Variants in GYPC observed in about 807,000 individuals in gnomAD.
GYPC encodes the protein glycophorin C (Gerbich blood group), also known as glycophorin-C.
Under a neutral mutation model 12.6 loss-of-function variants are expected in GYPC, and 14 were observed. The ratio of observed to expected loss-of-function variants is 1.11; its 90% CI spans 0.74 to 1.74. The LOEUF (loss-of-function observed/expected upper bound fraction) is 1.74. Ranked by LOEUF, GYPC falls within the 40% of genes most tolerant of loss-of-function variation. The pLI, the probability that GYPC is intolerant of heterozygous loss-of-function variation, is 0.00. For synonymous variants in GYPC, 78 were observed against 62.1 expected (o/e 1.26, Z -1.20); for missense variants, 225 against 172.1 (o/e 1.31, Z -1.72).
chr2:126,669,763 G>A (rs143537150), intron 1 of GYPC, among the ~76,000 whole-genome samples: 67 of 152,254 alleles, frequency 4.4e-4, no homozygotes, highest in Admixed American at 2.6e-3. Context: ...TCGAAGTTCC[G>A]ATGAGCTAGT....
At chr2:126,690,989 C>T (rs1683446613) in intron 2 of GYPC, among the ~76,000 whole-genome samples, 1 of 152,042 alleles carries the variant, frequency 6.6e-6, no homozygotes. Context: ...ATCAAAGACA[C>T]CTGTTGGACT....
At chr2:126,672,711 C>G (rs1682884872) in intron 1 of GYPC, among the ~76,000 whole-genome samples, 2 of 152,114 alleles carry the variant, frequency 1.3e-5, no homozygotes, top group Admixed American at 1.3e-4. Context: ...GCTGGCCCAG[C>G]AGTGGACAGA....
intron 1 of GYPC, among the ~76,000 whole-genome samples, chr2:126,688,101 G>A (rs147934859): frequency 2.7e-4 from 41 of 152,304 alleles, no homozygotes; most frequent in African/African-American, 9.4e-4. Context: ...ATGTTGCAAG[G>A]TCTGAGTTAA....
chr2:126,692,257 C>T (rs766636839), intron 2 of GYPC, among the ~76,000 whole-genome samples: 9 of 152,048 alleles, frequency 5.9e-5, no homozygotes, highest in Non-Finnish European at 1.3e-4. Context: ...TGCCTCAGTG[C>T]CTTGTATTAT....
chr2:126,693,222 A>G (rs1249216810), intron 2 of GYPC, among the ~76,000 whole-genome samples: 1 of 152,240 alleles, frequency 6.6e-6, no homozygotes, highest in Non-Finnish European at 1.5e-5. Context: ...TGGATTAGTC[A>G]CTGGAGAGCA....
At chr2:126,688,343 T>A (rs992466528) in intron 1 of GYPC, among the ~76,000 whole-genome samples, 1 of 152,170 alleles carries the variant, frequency 6.6e-6, no homozygotes, top group African/African-American at 2.4e-5. Context: ...AACTTTGAGG[T>A]GCATAGTGGT....
chr2:126,683,516 G>A (rs1264547228), intron 1 of GYPC, among the ~76,000 whole-genome samples: 1 of 151,916 alleles, frequency 6.6e-6, no homozygotes, highest in Non-Finnish European at 1.5e-5. Flanking sequence ...GGAGACGATG[G>A]TTCCACTTTT....
chr2:126,656,388 C>A (rs1176266514), intron 1 of GYPC, 76 bp downstream of exon 1: 2 of 1,271,926 alleles, frequency 1.6e-6, no homozygotes, highest in Non-Finnish European at 2.2e-6. Context: ...GGCCGAGCCA[C>A]GGCCACGGAC....
chr2:126,690,205 G>C, intron 1 of GYPC, 50 bp from the exon 2 acceptor site: 1 of 1,374,176 alleles, frequency 7.3e-7, no homozygotes, highest in Non-Finnish European at 1.0e-6. Context: ...GTGCTGCTAG[G>C]CATGGAGAGT....
chr2:126,677,502 TGA>T (rs1209761547), intron 1 of GYPC, among the ~76,000 whole-genome samples: 8 of 132,838 alleles, frequency 6.0e-5, no homozygotes, highest in South Asian at 4.4e-4. Context: ...AGTGTGTGTA[TGA>T]GAGTGTGTGT....
chr2:126,692,920 G>C (rs553946575), intron 2 of GYPC, among the ~76,000 whole-genome samples: 67 of 152,290 alleles, frequency 4.4e-4, no homozygotes, highest in Non-Finnish European at 8.7e-4. Context: ...GGCACATCAC[G>C]TCTCTGAACC....
chr2:126,683,991 G>A (rs1683219187), intron 1 of GYPC, among the ~76,000 whole-genome samples: 2 of 152,158 alleles, frequency 1.3e-5, no homozygotes, highest in African/African-American at 4.8e-5. Context: ...CAGCCTGCGT[G>A]GGTCCAATTC....
chr2:126,673,260 G>A lies in GYPC; in HGVS notation c.49+16948G>A, dbSNP rs182125600. The stretch of plus-strand genomic sequence containing the variant: ...GAAGAGACTGACTCCTGATTCCTGC[G>A]CTTCTCATCTTCACCTAACATCTTG... On this transcript the variant is annotated intron_variant, in intron 1 of 3. Coordinates refer to ENST00000259254, the MANE Select transcript of GYPC (RefSeq NM_002101.5). 2.7e-3 allele frequency among the ~76,000 whole-genome samples: 411 copies of A among 152,192 alleles called. No individual in the cohort carries two copies. The Middle Eastern group carries it at 0.027, about 10-fold the overall frequency.
chr2:126,693,985 TG>T (rs757112810), intron 3 of GYPC, 38 bp downstream of exon 3: 9 of 1,364,394 alleles, frequency 6.6e-6, no homozygotes, highest in South Asian at 2.3e-5. Flanking sequence ...GCAGCCAGGG[TG>T]GGGGGCCTTG....
intron 1 of GYPC, chr2:126,675,599 C>G: frequency 4.7e-6 from 3 of 637,372 alleles, no homozygotes; most frequent in Non-Finnish European, 5.9e-6. Flanking sequence ...AATGGGCTCT[C>G]CTTTCCATCC....
At position 126,696,453 on chromosome 2, in the gene GYPC, G is replaced by A; in HGVS notation, c.*311G>A. 2.5e-6 allele frequency: 1 copy of A among 400,548 alleles called. No homozygotes were observed. The highest frequency in any genetic ancestry group is 3.7e-5 in the Admixed American group (1 of 27,380). 24.8% of individuals were successfully genotyped at this position (400,548 alleles called of 1,614,324 possible). A position where few individuals can be genotyped will look rare whatever the true frequency, so the allele number is the denominator to read the frequency against. ...CAGTGCAGGACAACATCAGCTCACT[G>A]GCAGGAAAGTCCTTGTTGAGGGTGA... On this transcript the variant is annotated 3_prime_UTR_variant, in exon 4 of 4. Coordinates refer to ENST00000259254, the MANE Select transcript of GYPC (RefSeq NM_002101.5).
Position 126,675,851 on chromosome 2 carries a change from A to T in GYPC, c.50-14404A>T, listed in dbSNP as rs953375366. On this transcript the variant is annotated intron_variant, in intron 1 of 3. Transcript: ENST00000259254. ...AGAGAAAAATAAGCTAATGATATGTACTGGGTTTAGCCATTTATATTCTTT... is the reference window on the plus strand; with the variant it reads ...AGAGAAAAATAAGCTAATGATATGTTCTGGGTTTAGCCATTTATATTCTTT... The T allele has an allele frequency of 2.0e-5, 4 of 203,620 alleles. No individual in the cohort carries two copies. In the Admixed American group the frequency reaches 2.6e-4, roughly 13 times the overall value. 12.6% of individuals were successfully genotyped at this position (203,620 alleles called of 1,614,324 possible). A position where few individuals can be genotyped will look rare whatever the true frequency, so the allele number is the denominator to read the frequency against.
intron 3 of GYPC, among the ~76,000 whole-genome samples, chr2:126,694,610 C>T (rs145070891): frequency 0.012 from 1,815 of 152,272 alleles, 35 homozygotes; most frequent in African/African-American, 0.041. Flanking sequence ...CATTCTCCAA[C>T]TCATTGCACC....
chr2:126,669,173 T>C (rs183313520), intron 1 of GYPC, among the ~76,000 whole-genome samples: 6 of 152,284 alleles, frequency 3.9e-5, no homozygotes, highest in Non-Finnish European at 8.8e-5. Context: ...CTGAGGATGC[T>C]CTAACTCTGG....
Sources: allele counts gnomAD v4.1 joint callset (sites outside exome capture counted in the v4.1 genomes callset), GRCh38; gene constraint gnomAD v4.1.1; transcripts MANE v1.5; gene names NCBI Gene and HGNC (gene_info 2026-07-23, HGNC 2026-07-21).